PRR5L: variants seen among roughly 807,000 people sequenced by gnomAD.
PRR5L encodes the protein proline-rich protein 5-like.
Under a neutral mutation model 36.4 loss-of-function variants are expected in PRR5L, and 21 were observed. The observed-to-expected ratio is 0.58, with a 90% CI of 0.41 to 0.83. PRR5L has a LOEUF of 0.83. Among genes scored for constraint, PRR5L ranks in the 40% least tolerant of loss-of-function variants. The pLI, the probability that PRR5L is intolerant of heterozygous loss-of-function variation, is 0.00. For synonymous variants in PRR5L, 188 were observed against 197.0 expected, an observed-to-expected ratio of 0.95 and a Z score of 0.38; for missense variants, 381 against 473.3, an observed-to-expected ratio of 0.80 and a Z score of 1.81.
At chr11:36,436,241 G>A (rs924570304) in intron 5 of PRR5L, among the ~76,000 whole-genome samples, 6 of 152,334 alleles carry the variant, frequency 3.9e-5, no homozygotes, top group Admixed American at 2.0e-4. Flanking sequence ...CTTGCCAAAC[G>A]CGTCTCTCAG....
intron 1 of PRR5L, among the ~76,000 whole-genome samples, chr11:36,351,072 A>G: frequency 8.5e-6 from 1 of 118,154 alleles, no homozygotes; most frequent in Non-Finnish European, 1.6e-5. Context: ...ATATAAATAT[A>G]TATTTATAAA....
intron 1 of PRR5L, among the ~76,000 whole-genome samples, chr11:36,383,281 C>A (rs1330764368): frequency 6.6e-6 from 1 of 152,118 alleles, no homozygotes; most frequent in African/African-American, 2.4e-5. Flanking sequence ...TTTCCCAGGG[C>A]TGTATTTCTT....
chr11:36,331,352 T>C (rs1187761206), intron 1 of PRR5L, among the ~76,000 whole-genome samples: 1 of 152,198 alleles, frequency 6.6e-6, no homozygotes, highest in African/African-American at 2.4e-5. Context: ...TTAAGAAGAA[T>C]TCATTTAGAA....
At chr11:36,333,450 A>C (rs942043581) in intron 1 of PRR5L, among the ~76,000 whole-genome samples, 1 of 152,246 alleles carries the variant, frequency 6.6e-6, no homozygotes, top group African/African-American at 2.4e-5. Context: ...TTATGTACAC[A>C]ATAGCCCCAA....
At chr11:36,426,962 CT>C (rs1858396005) in intron 4 of PRR5L, among the ~76,000 whole-genome samples, 1 of 152,146 alleles carries the variant, frequency 6.6e-6, no homozygotes, top group South Asian at 2.1e-4. Context: ...AAGGTGCCTG[CT>C]TGGCAGGAGG....
At chr11:36,375,520 C>T (rs1239981509) in intron 1 of PRR5L, among the ~76,000 whole-genome samples, 2 of 152,224 alleles carry the variant, frequency 1.3e-5, no homozygotes, top group East Asian at 3.9e-4. Context: ...AGGACATGCA[C>T]ATCTTTTTCT....
intron 3 of PRR5L, among the ~76,000 whole-genome samples, chr11:36,413,847 T>C (rs1858081131): frequency 7.2e-6 from 1 of 138,576 alleles, no homozygotes; most frequent in South Asian, 2.6e-4. Flanking sequence ...TATCTCCTAA[T>C]GCTATCCCTC....
intron 1 of PRR5L, among the ~76,000 whole-genome samples, chr11:36,300,242 T>C (rs922046265): frequency 6.6e-6 from 1 of 152,180 alleles, no homozygotes; most frequent in Admixed American, 6.5e-5. Context: ...CACTTGCATC[T>C]GCTCAGCTTT....
chr11:36,367,281 T>G (rs1460088251), intron 1 of PRR5L, among the ~76,000 whole-genome samples: 1 of 152,222 alleles, frequency 6.6e-6, no homozygotes, highest in Non-Finnish European at 1.5e-5. Context: ...TTGAGATTAT[T>G]TATGTGGGGA....
intron 7 of PRR5L, among the ~76,000 whole-genome samples, chr11:36,448,040 G>T (rs1283014382): frequency 6.6e-6 from 1 of 152,110 alleles, no homozygotes; most frequent in Non-Finnish European, 1.5e-5. Context: ...TGTGTTTTGG[G>T]CGGTGGCGGT....
chr11:36,420,126 C>G (rs543837896), intron 4 of PRR5L, among the ~76,000 whole-genome samples: 1 of 152,210 alleles, frequency 6.6e-6, no homozygotes, highest in Admixed American at 6.5e-5. Flanking sequence ...TGTTGAGTGA[C>G]AAGGAGTCAC....
At chr11:36,310,764 C>T (rs1488415434) in intron 1 of PRR5L, among the ~76,000 whole-genome samples, 2 of 151,884 alleles carry the variant, frequency 1.3e-5, no homozygotes, top group East Asian at 1.9e-4. Context: ...TTTGGGGGGC[C>T]GAGGTGGGCA....
chr11:36,416,268 G>A (rs1486169056), intron 3 of PRR5L, among the ~76,000 whole-genome samples: 1 of 152,204 alleles, frequency 6.6e-6, no homozygotes, highest in Non-Finnish European at 1.5e-5. Context: ...GATAAGGGCA[G>A]TGTAGCTTAC....
chr11:36,383,104 A>G (rs1328012331), intron 1 of PRR5L, among the ~76,000 whole-genome samples: 1 of 152,206 alleles, frequency 6.6e-6, no homozygotes, highest in Non-Finnish European at 1.5e-5. Flanking sequence ...CTCCACTTCT[A>G]AAATAGGAAT....
rs1590543139 is a variant in PRR5L, at chr11:36,403,465, T to G, written c.245+87T>G. 1.5e-5 allele frequency: 9 copies of G among 586,148 alleles called. No homozygotes were observed. In the South Asian group the frequency reaches 1.8e-4, roughly 12 times the overall value. 36.3% of individuals were successfully genotyped at this position (586,148 alleles called of 1,614,324 possible). A position where few individuals can be genotyped will look rare whatever the true frequency, so the allele number is the denominator to read the frequency against. The stretch of plus-strand genomic sequence containing the variant: ...CTACCGCCTTAGGAGCCTTAAGGGT[T>G]TTTTTTTTTTTTTTCCTGCTTGATT... On this transcript the variant is annotated intron_variant, in intron 3 of 8. Coordinates refer to ENST00000530639, the MANE Select transcript of PRR5L (RefSeq NM_001160167.2).
intron 1 of PRR5L, among the ~76,000 whole-genome samples, chr11:36,327,430 C>A (rs2133469045): frequency 6.6e-6 from 1 of 152,300 alleles, no homozygotes; most frequent in African/African-American, 2.4e-5. Flanking sequence ...AAATTCCAAC[C>A]TGAGTCTAGT....
chr11:36,429,661 T>C (rs1858452839), intron 4 of PRR5L, among the ~76,000 whole-genome samples: 1 of 152,198 alleles, frequency 6.6e-6, no homozygotes, highest in East Asian at 1.9e-4. Context: ...AACATCAGTG[T>C]TGACACTAGA....
intron 1 of PRR5L, among the ~76,000 whole-genome samples, chr11:36,368,463 A>C (rs1857167140): frequency 6.6e-6 from 1 of 152,218 alleles, no homozygotes; most frequent in Admixed American, 6.5e-5. Context: ...TCAGCAGAAA[A>C]GCAGAGTTCA....
intron 1 of PRR5L, among the ~76,000 whole-genome samples, chr11:36,366,027 A>T (rs1857140675): frequency 6.6e-6 from 1 of 152,192 alleles, no homozygotes; most frequent in African/African-American, 2.4e-5. Flanking sequence ...CCTCCCTGCA[A>T]TGAGTGGTTT....
Sources: gnomAD v4.1 joint callset for allele counts (sites outside exome capture counted in the v4.1 genomes callset) on GRCh38, gnomAD v4.1.1 for gene constraint, MANE v1.5 for transcripts, NCBI Gene and HGNC (gene_info 2026-07-23, HGNC 2026-07-21) for gene names.